Variants in LNX2 observed in about 807,000 individuals in gnomAD.
LNX2 encodes ligand of Numb protein X 2.
Under a neutral mutation model 66.2 loss-of-function variants are expected in LNX2, and 35 were observed. That is an observed-to-expected ratio of 0.53 (90% CI 0.40 to 0.70). LNX2 has a LOEUF of 0.70. Among genes scored for constraint, LNX2 ranks in the 30% least tolerant of loss-of-function variants. LNX2 has a pLI of 0.00. For synonymous variants in LNX2, 337 were observed against 315.6 expected (o/e 1.07, Z -0.72); for missense variants, 791 against 850.8 (o/e 0.93, Z 0.87).
chr13:27,580,274 G>A (rs1481204277), intron 2 of LNX2, among the ~76,000 whole-genome samples: 4 of 151,982 alleles, frequency 2.6e-5, no homozygotes, highest in Non-Finnish European at 5.9e-5. Context: ...CTAAATTTTT[G>A]TGACTCAGTC....
chr13:27,617,767 G>T (rs960111443), intron 1 of LNX2, among the ~76,000 whole-genome samples: 9 of 152,060 alleles, frequency 5.9e-5, no homozygotes, highest in African/African-American at 2.2e-4. Context: ...CTGCATCATG[G>T]ATCTCTCAAC....
At chr13:27,600,838 A>C (rs1955649969) in intron 1 of LNX2, among the ~76,000 whole-genome samples, 1 of 152,210 alleles carries the variant, frequency 6.6e-6, no homozygotes. Flanking sequence ...AACCAATCAC[A>C]GTAGCCAGGG....
chr13:27,580,047 C>T (rs1955380635), intron 2 of LNX2, among the ~76,000 whole-genome samples: 1 of 152,078 alleles, frequency 6.6e-6, no homozygotes, highest in Non-Finnish European at 1.5e-5. Flanking sequence ...TTAATAACAT[C>T]TTTGTTTTTT....
At chr13:27,560,996 A>T (rs1017400795) in intron 5 of LNX2, among the ~76,000 whole-genome samples, 2 of 152,218 alleles carry the variant, frequency 1.3e-5, no homozygotes, top group African/African-American at 4.8e-5. Flanking sequence ...GACATGGAGT[A>T]TATGTTATTT....
chr13:27,614,685 GAA>G (rs1374138632), intron 1 of LNX2, among the ~76,000 whole-genome samples: 2 of 152,136 alleles, frequency 1.3e-5, no homozygotes, highest in Admixed American at 1.3e-4. Flanking sequence ...AGCTAAAGAA[GAA>G]AAAGTCACAA....
rs1955435167 is a variant in LNX2, at chr13:27,583,237, T to TGC, written c.-100-1435_-100-1434insGC. ...GTGTGTGTGTGTGTGTGTGTGTGTG[T>TGC]GTGTGTGTGTGTGTGTGTGCGCGCG... On this transcript the variant is annotated intron_variant, in intron 1 of 9. Coordinates refer to ENST00000316334, the MANE Select transcript of LNX2 (RefSeq NM_153371.4). Among the ~76,000 whole-genome samples the TGC allele has an allele frequency of 1.7e-4, 3 of 17,146 alleles. 1 individual carries two copies. The highest frequency in any genetic ancestry group is 1.3e-3 in the Admixed American group (2 of 1,514). 11.2% of individuals were successfully genotyped at this position (17,146 alleles called of 152,430 possible). A position where few individuals can be genotyped will look rare whatever the true frequency, so the allele number is the denominator to read the frequency against.
At chr13:27,615,031 G>A (rs1400718832) in intron 1 of LNX2, among the ~76,000 whole-genome samples, 1 of 151,746 alleles carries the variant, frequency 6.6e-6, no homozygotes, top group Non-Finnish European at 1.5e-5. Context: ...AGTACACAAA[G>A]CAGTGGACAC....
intron 1 of LNX2, among the ~76,000 whole-genome samples, chr13:27,583,264 C>A: frequency 1.1e-4 from 1 of 8,988 alleles, no homozygotes; most frequent in African/African-American, 6.1e-4. Flanking sequence ...GTGCGCGCGT[C>A]CTCTCCAACA....
chr13:27,573,221 C>T (rs1955303458), intron 2 of LNX2, among the ~76,000 whole-genome samples: 2 of 152,170 alleles, frequency 1.3e-5, no homozygotes, highest in African/African-American at 4.8e-5. Context: ...GGCTGGCAGA[C>T]ACTGGAAGAG....
In LNX2 at chr13:27,581,713, A is replaced by AT; in HGVS notation, c.-11dup. The AT allele has an allele frequency of 1.3e-6, 2 of 1,584,816 alleles. No homozygotes were observed. Among genetic ancestry groups the AT allele is most frequent in the Non-Finnish European group, 1.7e-6 (2 of 1,165,168 alleles). On this transcript the variant is annotated 5_prime_UTR_variant, in exon 2 of 10. It removes the in-frame stop codon of an upstream open reading frame in the 5' UTR. Transcript: ENST00000316334. ...CACTTGTTGTTCCCATTTTGAATCAATTCTGTATCCTCATGTGTTAGACTT... is the reference window on the plus strand; with the variant it reads ...CACTTGTTGTTCCCATTTTGAATCAATTTCTGTATCCTCATGTGTTAGACTT...
At chr13:27,553,713 T>A (rs1208454670) in intron 7 of LNX2, among the ~76,000 whole-genome samples, 1 of 152,202 alleles carries the variant, frequency 6.6e-6, no homozygotes, top group South Asian at 2.1e-4. Flanking sequence ...GTTCGAATCA[T>A]CAGTCTGAGT....
chr13:27,595,323 AG>A (rs1442202476), intron 1 of LNX2, among the ~76,000 whole-genome samples: 6 of 152,326 alleles, frequency 3.9e-5, no homozygotes, highest in African/African-American at 1.4e-4. Context: ...ACCTCACTGC[AG>A]TGGTTTGCAA....
rs756483052 is a variant in LNX2, at chr13:27,562,548, C to T, written c.1089G>A (p.Gly363=). The T allele has an allele frequency of 1.9e-6, 3 of 1,614,010 alleles. No homozygotes were observed. Among genetic ancestry groups the T allele is most frequent in the African/African-American group, 1.3e-5 (1 of 74,912 alleles). The change falls in exon 5 of 10, where the codon GGG becomes GGA. Residue 363 remains glycine, a synonymous_variant. Coordinates refer to ENST00000316334, the MANE Select transcript of LNX2 (RefSeq NM_153371.4). ...IKLVRRTDEP[G]VFILDLLEGG... The stretch of plus-strand genomic sequence containing the variant: ...CTTCCAACAGGTCAAGAATAAAAAC[C>T]CCTGGCTCATCTGTCCTTCGCACCA...
intron 1 of LNX2, among the ~76,000 whole-genome samples, chr13:27,617,772 C>T (rs1566136915): frequency 1.3e-5 from 2 of 152,248 alleles, no homozygotes. Context: ...TCATGGATCT[C>T]TCAACCATCC....
intron 5 of LNX2, among the ~76,000 whole-genome samples, chr13:27,562,157 G>A (rs1457150206): frequency 2.0e-5 from 3 of 152,142 alleles, no homozygotes; most frequent in Non-Finnish European, 4.4e-5. Context: ...ACCCAAATGA[G>A]AAATGAATGT....
chr13:27,578,028 AATAC>A (rs141042546), intron 2 of LNX2, among the ~76,000 whole-genome samples: 3,395 of 152,322 alleles, frequency 0.022, 133 homozygotes, highest in African/African-American at 0.077. Flanking sequence ...TCATTTCACT[AATAC>A]ATAATCAGTT....
rs1284024112 is a variant in LNX2, at chr13:27,559,951, C to G, written c.1259G>C (p.Arg420Thr). The change falls in exon 6 of 10, where the codon AGA becomes ACA. Residue 420 changes from arginine (R) to threonine (T), a missense_variant. By Grantham distance (71) the Arg-to-Thr change is moderately conservative. Transcript: ENST00000316334. Reference protein sequence around the residue: ...SGERVNLTIARPGKPQPGNTI... With the variant: ...SGERVNLTIATPGKPQPGNTI... The stretch of plus-strand genomic sequence containing the variant: ...GTTACCAGGCTGGGGTTTCCCTGGT[C>G]TAGCAATTGTTAAATTCACTCTCTC... 1 of 1,608,768 alleles carries G rather than the reference C, an allele frequency of 6.2e-7. No homozygotes were observed. The highest frequency in any genetic ancestry group is 8.5e-7 in the Non-Finnish European group (1 of 1,177,244).
In LNX2 at chr13:27,576,771, T is replaced by A. The variant is rs553648203; in HGVS notation, c.407+4526A>T. 1.4e-4 allele frequency among the ~76,000 whole-genome samples: 21 copies of A among 151,190 alleles called. No individual in the cohort carries two copies. The South Asian group carries it at 4.2e-3, about 30-fold the overall frequency. ...AAGGCCTCAATAAAATTTAAAGGAT[T>A]GAACAATACACATTATGATTTCTCA... On this transcript the variant is annotated intron_variant, in intron 2 of 9. Coordinates refer to ENST00000316334, the MANE Select transcript of LNX2 (RefSeq NM_153371.4).
intron 2 of LNX2, among the ~76,000 whole-genome samples, chr13:27,575,071 T>A (rs539104772): frequency 6.6e-6 from 1 of 152,294 alleles, no homozygotes; most frequent in African/African-American, 2.4e-5. Flanking sequence ...CTAAAAGAAG[T>A]CCATCAGGCT....
Sources: gnomAD v4.1 joint callset for allele counts (sites outside exome capture counted in the v4.1 genomes callset) on GRCh38, gnomAD v4.1.1 for gene constraint, MANE v1.5 for transcripts, NCBI Gene and HGNC (gene_info 2026-07-23, HGNC 2026-07-21) for gene names.